RIPK4: variants seen among roughly 807,000 people sequenced by gnomAD.
RIPK4 encodes receptor-interacting serine/threonine-protein kinase 4.
RIPK4 carries 17 observed loss-of-function variants against 42.9 expected under a neutral mutation model. The observed-to-expected ratio is 0.40, with a 90% CI of 0.27 to 0.59. RIPK4 has a LOEUF of 0.59. Ranked by LOEUF, RIPK4 falls within the 20% of genes least tolerant of loss-of-function variation. The pLI, the probability that RIPK4 is intolerant of heterozygous loss-of-function variation, is 0.47. For missense variants in RIPK4, 897 were observed against 1,104.4 expected (o/e 0.81, Z 2.66); for synonymous variants, 498 against 499.1 (o/e 1.00, Z 0.03).
chr21:41,765,005 A>T (rs571470476), intron 1 of RIPK4, among the ~76,000 whole-genome samples: 6 of 152,228 alleles, frequency 3.9e-5, no homozygotes, highest in Non-Finnish European at 8.8e-5. Context: ...CAAGCTATGC[A>T]ATATCCTAAG....
chr21:41,744,390 G>A lies in RIPK4; in HGVS notation c.937-250C>T, dbSNP rs71318588. ...TCAGACCCCGCGCCCGCACAGTGCCGGGCAGCTCAGACCCTGCACCCGCAC... is the reference window on the plus strand; with the variant it reads ...TCAGACCCCGCGCCCGCACAGTGCCAGGCAGCTCAGACCCTGCACCCGCAC... On this transcript the variant is annotated intron_variant, in intron 6 of 7. Coordinates refer to ENST00000332512, the MANE Select transcript of RIPK4 (RefSeq NM_020639.3). Among the ~76,000 whole-genome samples the A allele has an allele frequency of 0.045, 6,850 of 151,694 alleles. 249 individuals are homozygous for A. The highest frequency in any genetic ancestry group is 0.092 in the African/African-American group (3,811 of 41,236).
intron 4 of RIPK4, among the ~76,000 whole-genome samples, 167 bp downstream of exon 4, chr21:41,748,987 C>A (rs73906706): frequency 6.6e-5 from 10 of 152,266 alleles, no homozygotes; most frequent in African/African-American, 2.2e-4. Flanking sequence ...ATTGAACAGG[C>A]CCCTTCAGAT....
chr21:41,744,758 G>T lies in RIPK4; in HGVS notation c.937-618C>A, dbSNP rs140132617. On this transcript the variant is annotated intron_variant, in intron 6 of 7. Transcript: ENST00000332512. ...ACGTGGCCACAACTGCGACCTCCCC[G>T]CGGAGCCACGTGGGGCTGGCCTGGG... 1.6e-4 allele frequency among the ~76,000 whole-genome samples: 25 copies of T among 152,284 alleles called. No individual in the cohort carries two copies. In the East Asian group the frequency reaches 4.3e-3, roughly 26 times the overall value.
At chr21:41,766,730 T>C (rs988161963) in intron 1 of RIPK4, 130 bp downstream of exon 1, 8 of 951,908 alleles carry the variant, frequency 8.4e-6, no homozygotes, top group Middle Eastern at 3.3e-4. Context: ...TCGCCGGCAA[T>C]TGGTTTCCCC....
In RIPK4 at chr21:41,740,836, A is replaced by T. The variant is rs1361449238; in HGVS notation, c.*2T>A. The T allele has an allele frequency of 1.9e-6, 3 of 1,596,880 alleles. No individual in the cohort carries two copies. In the East Asian group the frequency reaches 6.7e-5, roughly 36 times the overall value. On this transcript the variant is annotated 3_prime_UTR_variant, in exon 8 of 8. Coordinates refer to ENST00000332512, the MANE Select transcript of RIPK4 (RefSeq NM_020639.3). Reference sequence around the variant, plus strand: ...GGACCCCCGGTCTCCGCAGGCAGCCAGCTAGGTCTTGCTTCGCCGCAGGAG... The same window carrying T: ...GGACCCCCGGTCTCCGCAGGCAGCCTGCTAGGTCTTGCTTCGCCGCAGGAG...
rs543627182 is a variant in RIPK4 at position 41,746,515 on chromosome 21, G to C, written c.832+98C>G. On this transcript the variant is annotated intron_variant, in intron 5 of 7. Transcript: ENST00000332512. Reference sequence around the variant, plus strand: ...TTTCGGCCCACCTGTTACACGCCTTGTTTCTCACCCAGGCCTGGTCCCTCA... The same window carrying C: ...TTTCGGCCCACCTGTTACACGCCTTCTTTCTCACCCAGGCCTGGTCCCTCA... 8.3e-6 allele frequency: 12 copies of C among 1,444,042 alleles called. No individual in the cohort carries two copies. In the African/African-American group the frequency reaches 1.5e-4, roughly 18 times the overall value. The allele number at this position is 1,444,042 out of a possible 1,614,324, so 89.5% of individuals were successfully genotyped here. A position where few individuals can be genotyped will look rare whatever the true frequency, so the allele number is the denominator to read the frequency against.
rs542405211 is a variant in RIPK4 at position 41,744,590 on chromosome 21, A to G, written c.937-450T>C. On this transcript the variant is annotated intron_variant, in intron 6 of 7. Transcript: ENST00000332512. ...CTCTGGATACCATCTGCTCAGTAAC[A>G]CTGCACAGAGCGTCACCCAGACAAA... Among the ~76,000 whole-genome samples, 213 of 152,332 alleles carry G rather than the reference A, an allele frequency of 1.4e-3. 1 individual carries two copies. The highest frequency in any genetic ancestry group is 2.5e-3 in the Non-Finnish European group (169 of 68,028).
At position 41,741,339 on chromosome 21, in the gene RIPK4, G is replaced by A. The variant is rs762526398; in HGVS notation, c.1854C>T (p.Arg618=). Residue 618 remains arginine, a synonymous_variant, in exon 8 of 8, where the codon CGC becomes CGT. Coordinates refer to ENST00000332512, the MANE Select transcript of RIPK4 (RefSeq NM_020639.3). The stretch of plus-strand genomic sequence containing the variant: ...ACAGGTCGATGAGGATGCGGGCCAC[G>A]CGGTAGTGCCCGCGCTGTGCGGCCA... The part of the protein sequence containing the change: ...LHLAAQRGHY[R]VARILIDLCS... The A allele has an allele frequency of 6.2e-6, 10 of 1,609,980 alleles. No homozygotes were observed. The highest frequency in any genetic ancestry group is 1.7e-5 in the Admixed American group (1 of 59,986).
Position 41,740,692 on chromosome 21 carries a change from G to A in RIPK4, c.*146C>T, listed in dbSNP as rs967246848. ...GGGGACACTCCGGTCAGCAGCAGCC[G>A]CCTCCTGATGGCACCATGTCACCTC... On this transcript the variant is annotated 3_prime_UTR_variant, in exon 8 of 8. Transcript: ENST00000332512. 46 of 799,268 alleles carry A rather than the reference G, an allele frequency of 5.8e-5. No individual in the cohort carries two copies. The highest frequency in any genetic ancestry group is 3.7e-4 in the African/African-American group (21 of 57,512). The allele number at this position is 799,268 out of a possible 1,614,324, so 49.5% of individuals were successfully genotyped here. A position where few individuals can be genotyped will look rare whatever the true frequency, so the allele number is the denominator to read the frequency against.
rs1569105577 is a variant in RIPK4, at chr21:41,756,740, T to C, written c.259A>G (p.Ile87Val). The change falls in exon 2 of 8, where the codon ATC (isoleucine) becomes GTC (valine). Residue 87 changes from isoleucine (I) to valine (V), a missense_variant. Physicochemically the swap from Ile to Val is conservative, Grantham distance 29. Transcript: ENST00000332512. ...ACCAGGCCGACAGGTTCGCGGCAGA[T>C]GCCATACACAGGCAGGATGTAGCGA... ...KFRYILPVYGICREPVGLVME... is the reference protein window; with the variant it reads ...KFRYILPVYGVCREPVGLVME... 2 of 1,614,142 alleles carry C rather than the reference T, an allele frequency of 1.2e-6. No individual in the cohort carries two copies. The highest frequency in any genetic ancestry group is 3.3e-5 in the Admixed American group (2 of 60,012).
intron 1 of RIPK4, among the ~76,000 whole-genome samples, chr21:41,760,872 G>A (rs1264014303): frequency 6.6e-6 from 1 of 152,216 alleles, no homozygotes. Context: ...AAATTATTAT[G>A]AGACAAAACT....
chr21:41,760,443 T>C (rs1225154063), intron 1 of RIPK4, among the ~76,000 whole-genome samples: 2 of 151,968 alleles, frequency 1.3e-5, no homozygotes, highest in African/African-American at 2.4e-5. Flanking sequence ...CTATGGAGAA[T>C]CAAGAGAGAT....
At chr21:41,762,458 C>G (rs960102912) in intron 1 of RIPK4, among the ~76,000 whole-genome samples, 3 of 152,208 alleles carry the variant, frequency 2.0e-5, no homozygotes. Context: ...AGCCCCTCTC[C>G]AGGTGCTCCC....
Position 41,740,774 on chromosome 21 carries a change from C to T in RIPK4, c.*64G>A. 6.8e-7 allele frequency: 1 copy of T among 1,476,396 alleles called. No individual in the cohort carries two copies. The highest frequency in any genetic ancestry group is 9.0e-7 in the Non-Finnish European group (1 of 1,105,498). 91.5% of individuals were successfully genotyped at this position (1,476,396 alleles called of 1,614,324 possible). A position where few individuals can be genotyped will look rare whatever the true frequency, so the allele number is the denominator to read the frequency against. On this transcript the variant is annotated 3_prime_UTR_variant, in exon 8 of 8. Transcript: ENST00000332512. ...GGGCCCCACGCAGGATCGTTCCATC[C>T]CCACGAGGAACACAGGACAGGACAA...
chr21:41,752,556 G>C (rs2146053591), intron 2 of RIPK4, among the ~76,000 whole-genome samples: 1 of 152,278 alleles, frequency 6.6e-6, no homozygotes, highest in South Asian at 2.1e-4. Context: ...GGGCCTTCAG[G>C]CCTGCACCGC....
intron 1 of RIPK4, among the ~76,000 whole-genome samples, chr21:41,765,091 C>T (rs1339004510): frequency 6.6e-6 from 1 of 152,350 alleles, no homozygotes; most frequent in East Asian, 1.9e-4. Context: ...CTAGAAATAA[C>T]AGAAGATCCT....
In RIPK4 at chr21:41,746,094, C is replaced by G. The variant is rs189703582; in HGVS notation, c.833-232G>C. ...CCAGACTCAAGGCGGAAGCCTTCCCCGGGGGAGCGCCACCTGCCAGTCACA... is the reference window on the plus strand; with the variant it reads ...CCAGACTCAAGGCGGAAGCCTTCCCGGGGGGAGCGCCACCTGCCAGTCACA... On this transcript the variant is annotated intron_variant, in intron 5 of 7. Transcript: ENST00000332512. The G allele has an allele frequency of 1.4e-5, 10 of 693,318 alleles. No homozygotes were observed. In the Middle Eastern group the frequency reaches 2.0e-3, roughly 137 times the overall value. 42.9% of individuals were successfully genotyped at this position (693,318 alleles called of 1,614,324 possible).
chr21:41,751,056 C>T lies in RIPK4; in HGVS notation c.623+41G>A. 1 of 1,596,116 alleles carries T rather than the reference C, an allele frequency of 6.3e-7. No individual in the cohort carries two copies. Among genetic ancestry groups the T allele is most frequent in the Non-Finnish European group, 8.5e-7 (1 of 1,170,122 alleles). On this transcript the variant is annotated intron_variant, in intron 3 of 7. Coordinates refer to ENST00000332512, the MANE Select transcript of RIPK4 (RefSeq NM_020639.3). The surrounding 1 kb of genome is among the most constrained non-coding windows in gnomAD (Gnocchi z 4.5). ...GGCATGAAGCATTGAGGTTGAGAGC[C>T]CCTGGCACCCACAGGGGATGGGGGG...
Position 41,764,060 on chromosome 21 carries a change from A to T in RIPK4, c.182+2800T>A, listed in dbSNP as rs138416734. On this transcript the variant is annotated intron_variant, in intron 1 of 7. Coordinates refer to ENST00000332512, the MANE Select transcript of RIPK4 (RefSeq NM_020639.3). Reference sequence around the variant, plus strand: ...AGGCACCGAGCCCCATGATGAAGGTAATCTCAGATCAATGGGGTGTCACCT... The same window carrying T: ...AGGCACCGAGCCCCATGATGAAGGTTATCTCAGATCAATGGGGTGTCACCT... 3.7e-3 allele frequency among the ~76,000 whole-genome samples: 567 copies of T among 152,242 alleles called. 5 individuals are homozygous for T. The highest frequency in any genetic ancestry group is 0.013 in the African/African-American group (543 of 41,550).
Sources: allele counts gnomAD v4.1 joint callset (sites outside exome capture counted in the v4.1 genomes callset), GRCh38; gene constraint gnomAD v4.1.1; non-coding constraint Gnocchi (gnomAD v3.1); transcripts MANE v1.5; gene names NCBI Gene and HGNC (gene_info 2026-07-23, HGNC 2026-07-21).